Variants in COX7A2L observed in about 807,000 individuals in gnomAD.
COX7A2L encodes cytochrome c oxidase subunit 7A2 like.
A neutral mutation model predicts 14.2 loss-of-function variants in COX7A2L; 18 were observed. That is an observed-to-expected ratio of 1.27 (90% confidence interval 0.88 to 1.88). The LOEUF (loss-of-function observed/expected upper bound fraction) is 1.88. Among genes scored for constraint, COX7A2L ranks in the 40% most tolerant of loss-of-function variants. COX7A2L has a pLI of 0.00. For synonymous variants in COX7A2L, 65 were observed against 57.4 expected (o/e 1.13, Z -0.60); for missense variants, 179 against 138.8 (o/e 1.29, Z -1.46).
At chr2:42,337,791 A>G (rs932588389) in intron 2 of COX7A2L, among the ~76,000 whole-genome samples, 6 of 152,218 alleles carry the variant, frequency 3.9e-5, no homozygotes, top group African/African-American at 1.4e-4. Flanking sequence ...ATGCTTTTGA[A>G]GGGAATATGG....
At chr2:42,341,071 A>G (rs1012683477) in intron 2 of COX7A2L, among the ~76,000 whole-genome samples, 3 of 152,154 alleles carry the variant, frequency 2.0e-5, no homozygotes, top group Non-Finnish European at 2.9e-5. Context: ...AACGTGTCAC[A>G]TCCATAATCA....
At chr2:42,355,717 CTTTTTTTTTTT>C (rs386390054) in intron 1 of COX7A2L, among the ~76,000 whole-genome samples, 7 of 69,048 alleles carry the variant, frequency 1.0e-4, no homozygotes, top group East Asian at 5.1e-4. Flanking sequence ...ATCCTACGTT[CTTTTTTTTTTT>C]TTTTTTTTTT....
chr2:42,355,717 C>CTTTTTTTTTTTT lies in COX7A2L; in HGVS notation c.73-2386_73-2375dup. 1.5e-3 allele frequency among the ~76,000 whole-genome samples: 103 copies of CTTTTTTTTTTTT among 69,052 alleles called. 14 individuals carry two copies. The highest frequency in any genetic ancestry group is 4.6e-3 in the African/African-American group (77 of 16,904). The allele number at this position is 69,052 out of a possible 152,430, so 45.3% of individuals were successfully genotyped here. A position where few individuals can be genotyped will look rare whatever the true frequency, so the allele number is the denominator to read the frequency against. On this transcript the variant is annotated intron_variant, in intron 1 of 2. Transcript: ENST00000234301. ...CAGTCACAGTGTAAAATCCTACGTTCTTTTTTTTTTTTTTTTTTTTTTTTT... is the reference window on the plus strand; with the variant it reads ...CAGTCACAGTGTAAAATCCTACGTTCTTTTTTTTTTTTTTTTTTTTTTTTTTTTTTTTTTTTT...
rs1050667357 is a variant in COX7A2L at position 42,339,112 on chromosome 2, C to G, written c.193-5243G>C. ...AAAGCTGCCGTTCACCATGCCAAAG[C>G]TGAAGTGGTTTCTATGGGAAACTCT... On this transcript the variant is annotated intron_variant, in intron 2 of 2. Transcript: ENST00000468711. The surrounding 1 kb of genome is among the most constrained non-coding windows in gnomAD (Gnocchi z 5.4). Among the ~76,000 whole-genome samples the G allele has an allele frequency of 6.6e-6, 1 of 152,216 alleles. No individual in the cohort carries two copies. The highest frequency in any genetic ancestry group is 1.5e-5 in the Non-Finnish European group (1 of 68,038).
In COX7A2L at chr2:42,349,793, C is replaced by A. The variant is rs1670581906; in HGVS notation, c.*1426G>T. On this transcript the variant is annotated 3_prime_UTR_variant, in exon 3 of 3. Transcript: ENST00000234301. ...AACACATGTCCTTACTCAGAAGATA[C>A]CTGCTAAAGTACTATGGCTGATTTA... 6.6e-6 allele frequency: 1 copy of A among 152,150 alleles called. No individual in the cohort carries two copies. The highest frequency in any genetic ancestry group is 1.5e-5 in the Non-Finnish European group (1 of 68,038). 9.4% of individuals were successfully genotyped at this position (152,150 alleles called of 1,614,324 possible).
chr2:42,360,718 C>G (rs1237967923), intron 1 of COX7A2L, among the ~76,000 whole-genome samples: 4 of 152,004 alleles, frequency 2.6e-5, no homozygotes, highest in African/African-American at 7.3e-5. Flanking sequence ...TGGCAGATGA[C>G]AAACGACAAG....
intron 1 of COX7A2L, among the ~76,000 whole-genome samples, chr2:42,358,854 A>C (rs965910650): frequency 2.6e-5 from 4 of 152,150 alleles, no homozygotes; most frequent in African/African-American, 9.7e-5. Context: ...ACATAAACCA[A>C]GTGTGGTGGT....
At chr2:42,358,039 T>C (rs11685888) in intron 1 of COX7A2L, among the ~76,000 whole-genome samples, 40,528 of 152,110 alleles carry the variant, frequency 0.27, 6,028 homozygotes, top group East Asian at 0.56. Context: ...CACAGTAAAA[T>C]TACGTTTCCT....
At chr2:42,340,712 C>A (rs1670386028) in intron 2 of COX7A2L, among the ~76,000 whole-genome samples, 1 of 152,146 alleles carries the variant, frequency 6.6e-6, no homozygotes, top group Non-Finnish European at 1.5e-5. Flanking sequence ...TTCAACAGCG[C>A]CCCAGTGGGA....
intron 1 of COX7A2L, among the ~76,000 whole-genome samples, chr2:42,353,798 C>T (rs1457703678): frequency 6.6e-6 from 1 of 152,180 alleles, no homozygotes; most frequent in Non-Finnish European, 1.5e-5. Context: ...ACAAACAATA[C>T]TTGCCTTCCA....
chr2:42,353,436 A>G, intron 1 of COX7A2L, 93 bp from the exon 2 acceptor site: 1 of 1,516,124 alleles, frequency 6.6e-7, no homozygotes, highest in Non-Finnish European at 9.0e-7. Flanking sequence ...CGAGAGAGCA[A>G]GAAAGTCTCT....
chr2:42,347,160 C>G (rs1310129557), downstream of COX7A2L, among the ~76,000 whole-genome samples: 1 of 152,154 alleles, frequency 6.6e-6, no homozygotes, highest in Admixed American at 6.5e-5. Flanking sequence ...CCATGGCGCC[C>G]GGCCTAGTAA....
chr2:42,351,387 G>A (rs1355280010), intron 2 of COX7A2L, 28 bp from the exon 3 acceptor site: 12 of 1,602,058 alleles, frequency 7.5e-6, no homozygotes, highest in Non-Finnish European at 1.0e-5. Context: ...ACAAGGGCAT[G>A]GTTGAGAAGA....
At chr2:42,352,554 C>A (rs1275328964) in intron 2 of COX7A2L, among the ~76,000 whole-genome samples, 5 of 152,086 alleles carry the variant, frequency 3.3e-5, no homozygotes, top group Non-Finnish European at 7.4e-5. Flanking sequence ...TTAAACTGAT[C>A]AAAACAAAAG....
intron 1 of COX7A2L, chr2:42,359,569 A>C (rs1218394435): frequency 6.6e-6 from 1 of 152,170 alleles, no homozygotes; most frequent in Non-Finnish European, 1.5e-5. Context: ...AGTCATTACC[A>C]ATTCGGTTTC....
At chr2:42,364,275 A>G (rs1671116364), upstream of COX7A2L, among the ~76,000 whole-genome samples, 1 of 146,978 alleles carries the variant, frequency 6.8e-6, no homozygotes, top group South Asian at 2.1e-4. Flanking sequence ...AAAAAAATTG[A>G]CAGTGGGTCT....
intron 1 of COX7A2L, among the ~76,000 whole-genome samples, chr2:42,366,379 G>A (rs778666448): frequency 3.9e-5 from 6 of 152,140 alleles, no homozygotes; most frequent in Non-Finnish European, 7.4e-5. Flanking sequence ...ACCCAAGATC[G>A]TGCCATTGCA....
upstream of COX7A2L, among the ~76,000 whole-genome samples, chr2:42,363,281 C>T (rs1022093972): frequency 4.6e-5 from 7 of 152,086 alleles, no homozygotes; most frequent in African/African-American, 7.2e-5. Flanking sequence ...TTCTTGAGTC[C>T]CAGGCGCTAG....
chr2:42,367,684 C>G (rs1671192937), intron 1 of COX7A2L, among the ~76,000 whole-genome samples: 1 of 152,190 alleles, frequency 6.6e-6, no homozygotes, highest in African/African-American at 2.4e-5. Flanking sequence ...CATGGCTGTG[C>G]CCTCCACTGA....
Sources: allele counts gnomAD v4.1 joint callset (sites outside exome capture counted in the v4.1 genomes callset), GRCh38; gene constraint gnomAD v4.1.1; non-coding constraint Gnocchi (gnomAD v3.1); transcripts MANE v1.5; gene names NCBI Gene and HGNC (gene_info 2026-07-23, HGNC 2026-07-21).